DARS1: variants seen among roughly 807,000 people sequenced by gnomAD.
DARS1 encodes the protein aspartyl-tRNA synthetase 1, also known as aspartate--tRNA ligase, cytoplasmic.
A neutral mutation model predicts 68.8 loss-of-function variants in DARS1; 51 were observed. The ratio of observed to expected loss-of-function variants is 0.74; its 90% confidence interval spans 0.59 to 0.94. The LOEUF (loss-of-function observed/expected upper bound fraction) is 0.94, where lower values mean the gene tolerates loss of function less well. DARS1 is among the 40% of genes least tolerant of loss of function. The probability of loss-of-function intolerance (pLI) is 0.00; values close to 1 mark genes in which losing one functional copy is unlikely to be tolerated. For synonymous variants in DARS1, 203 were observed against 190.4 expected (o/e 1.07, Z -0.55); for missense variants, 607 against 597.3 (o/e 1.02, Z -0.17).
At chr2:135,926,794 G>C (rs1474371528) in intron 7 of DARS1, among the ~76,000 whole-genome samples, 2 of 152,178 alleles carry the variant, frequency 1.3e-5, no homozygotes, top group African/African-American at 4.8e-5. Context: ...AAACGGGTAA[G>C]ATTAGTATCC....
chr2:135,975,820 G>A (rs1409247970), intron 3 of DARS1, among the ~76,000 whole-genome samples: 1 of 150,760 alleles, frequency 6.6e-6, no homozygotes, highest in East Asian at 1.9e-4. Context: ...GTGGTGGCAG[G>A]TACCTGTAAT....
intron 5 of DARS1, among the ~76,000 whole-genome samples, chr2:135,935,843 T>G (rs978323907): frequency 3.3e-5 from 5 of 152,216 alleles, no homozygotes; most frequent in African/African-American, 1.2e-4. Flanking sequence ...GGAATTATAC[T>G]CTTCTAGTTG....
In DARS1 at chr2:135,912,573, A is replaced by C. The variant is rs1170908532; in HGVS notation, c.1150-7T>G. 1.2e-6 allele frequency: 1 copy of C among 819,920 alleles called. No individual in the cohort carries two copies. Among genetic ancestry groups the C allele is most frequent in the Non-Finnish European group, 2.0e-6 (1 of 488,610 alleles). The allele number at this position is 819,920 out of a possible 1,614,324, so 50.8% of individuals were successfully genotyped here. On this transcript the variant is annotated splice_region_variant and splice_polypyrimidine_tract_variant and intron_variant, in intron 12 of 15. Coordinates refer to ENST00000264161, the MANE Select transcript of DARS1 (RefSeq NM_001349.4). ...TATAAAAATCTGTATCATACTATAA[A>C]AAGAATAAATGCAATTAAAATACAT...
intron 7 of DARS1, among the ~76,000 whole-genome samples, chr2:135,931,124 C>T (rs1178155136): frequency 1.3e-5 from 2 of 152,126 alleles, no homozygotes; most frequent in Non-Finnish European, 2.9e-5. Flanking sequence ...TATCTTAGAA[C>T]GTTTGTATTA....
Position 135,931,578 on chromosome 2 carries a change from TA to T in DARS1, c.564+1204del, listed in dbSNP as rs576348490. Among the ~76,000 whole-genome samples the T allele has an allele frequency of 9.7e-3, 1,482 of 152,224 alleles. 11 individuals carry two copies. The highest frequency in any genetic ancestry group is 0.048 in the Middle Eastern group (14 of 292). ...AAGGAAACGAAGGTGCTTAAAAACT[TA>T]AAGTTACTAATGTACACAACATCTC... On this transcript the variant is annotated intron_variant, in intron 7 of 15. Transcript: ENST00000264161.
chr2:135,943,107 A>G (rs1274271522), intron 5 of DARS1: 3 of 291,826 alleles, frequency 1.0e-5, no homozygotes, highest in African/African-American at 2.2e-5. Flanking sequence ...GAGATGTGCC[A>G]GATTTATCAG....
chr2:135,966,656 C>G (rs1057208585), intron 3 of DARS1, among the ~76,000 whole-genome samples: 1 of 152,128 alleles, frequency 6.6e-6, no homozygotes, highest in African/African-American at 2.4e-5. Flanking sequence ...CTCAGTCTCT[C>G]GAGTAGCTGG....
At chr2:135,928,842 T>C (rs1196257311) in intron 7 of DARS1, among the ~76,000 whole-genome samples, 2 of 152,098 alleles carry the variant, frequency 1.3e-5, no homozygotes, top group African/African-American at 4.8e-5. Flanking sequence ...TTTCACCATG[T>C]TGGCCAGGCT....
At chr2:135,935,211 GCTCT>G (rs547866928) in intron 5 of DARS1, among the ~76,000 whole-genome samples, 217 of 152,124 alleles carry the variant, frequency 1.4e-3, no homozygotes, top group African/African-American at 4.9e-3. Flanking sequence ...CCCCTTCATT[GCTCT>G]CTCTCATTAA....
chr2:135,978,102 C>G (rs1682538655), intron 3 of DARS1, among the ~76,000 whole-genome samples: 1 of 120,052 alleles, frequency 8.3e-6, no homozygotes, highest in African/African-American at 3.3e-5. Flanking sequence ...GAGATCGCAA[C>G]ACAGCACTCC....
At chr2:135,917,143 G>C (rs1474605804) in intron 10 of DARS1, among the ~76,000 whole-genome samples, 1 of 152,014 alleles carries the variant, frequency 6.6e-6, no homozygotes, top group Non-Finnish European at 1.5e-5. Context: ...CTGGGCGACA[G>C]AGCAAGACTC....
intron 4 of DARS1, among the ~76,000 whole-genome samples, chr2:135,959,179 G>A (rs1377112378): frequency 1.3e-5 from 2 of 151,764 alleles, no homozygotes; most frequent in Admixed American, 1.3e-4. Context: ...ATCACCTGAG[G>A]TTGGGAGTTC....
Position 135,928,395 on chromosome 2 carries a change from C to CT in DARS1, c.565-3898dup, listed in dbSNP as rs536657078. On this transcript the variant is annotated intron_variant, in intron 7 of 15. Transcript: ENST00000264161. ...TTTAAAAAATCAGATTTATGTAGAA[C>CT]TTTTTTTTTTTGTTTTTTGAGATGG... is the stretch of plus-strand genomic sequence containing the variant. Among the ~76,000 whole-genome samples the CT allele has an allele frequency of 1.1e-3, 164 of 146,950 alleles. 1 individual carries two copies. Among genetic ancestry groups the CT allele is most frequent in the Admixed American group, 1.4e-3 (20 of 14,648 alleles).
chr2:135,925,906 G>C lies in DARS1; in HGVS notation c.565-1408C>G, dbSNP rs192126930. ...TCACTTAGAATATATTCTATAAGAG[G>C]GTCACTGAATACATTTTATTGCCGC... On this transcript the variant is annotated intron_variant, in intron 7 of 15. Coordinates refer to ENST00000264161, the MANE Select transcript of DARS1 (RefSeq NM_001349.4). Among the ~76,000 whole-genome samples the C allele has an allele frequency of 4.6e-5, 7 of 152,194 alleles. No individual in the cohort carries two copies. The East Asian group carries it at 1.3e-3, about 29-fold the overall frequency.
At chr2:135,967,717 T>C (rs1405036824) in intron 3 of DARS1, among the ~76,000 whole-genome samples, 1 of 152,218 alleles carries the variant, frequency 6.6e-6, no homozygotes, top group Non-Finnish European at 1.5e-5. Context: ...TGTCATACTT[T>C]TGACACTAGG....
chr2:135,983,397 C>A lies in DARS1; in HGVS notation c.124G>T (p.Asp42Tyr). The part of the protein sequence containing the change: ...SSMIQSQEKP[D>Y]RVLVRVRDLT... Reference sequence around the variant, plus strand: ...TATTTACTGTCACATAGCTACTAACCTGGTTTTTCTTGTGATTGTATCATT... The same window carrying A: ...TATTTACTGTCACATAGCTACTAACATGGTTTTTCTTGTGATTGTATCATT... The change falls in exon 2 of 16, where the codon GAT (aspartate) becomes TAT (tyrosine). Residue 42 changes from aspartate to tyrosine, a missense_variant and splice_region_variant. By Grantham distance (160) the Asp-to-Tyr change is radical. Coordinates refer to ENST00000264161, the MANE Select transcript of DARS1 (RefSeq NM_001349.4). The A allele has an allele frequency of 9.5e-7, 1 of 1,054,800 alleles. No homozygotes were observed. Among genetic ancestry groups the A allele is most frequent in the Non-Finnish European group, 1.5e-6 (1 of 676,540 alleles). The allele number at this position is 1,054,800 out of a possible 1,614,324, so 65.3% of individuals were successfully genotyped here.
At chr2:135,917,495 A>G (rs1426721450) in intron 10 of DARS1, among the ~76,000 whole-genome samples, 1 of 151,944 alleles carries the variant, frequency 6.6e-6, no homozygotes, top group Non-Finnish European at 1.5e-5. Flanking sequence ...TTAATTTCTG[A>G]GACAGGGTCC....
intron 7 of DARS1, among the ~76,000 whole-genome samples, chr2:135,932,392 C>T (rs2104809678): frequency 6.6e-6 from 1 of 152,250 alleles, no homozygotes; most frequent in African/African-American, 2.4e-5. Context: ...AGGATTGAAG[C>T]ATTAATTACT....
At chr2:135,961,319 G>T in intron 4 of DARS1, 77 bp downstream of exon 4, 1 of 785,154 alleles carries the variant, frequency 1.3e-6, no homozygotes, top group Non-Finnish European at 2.3e-6. Flanking sequence ...GTTAATGTAT[G>T]AAAATGGTCC....
Sources: gnomAD v4.1 joint callset for allele counts (sites outside exome capture counted in the v4.1 genomes callset) on GRCh38, gnomAD v4.1.1 for gene constraint, MANE v1.5 for transcripts, NCBI Gene and HGNC (gene_info 2026-07-23, HGNC 2026-07-21) for gene names.